The following WASF1 variants were observed in gnomAD, a reference collection of about 807,000 sequenced individuals.
The protein encoded by WASF1 is actin-binding protein WASF1.
A neutral mutation model predicts 50.5 loss-of-function variants in WASF1; 7 were observed. The ratio of observed to expected loss-of-function variants is 0.14; its 90% CI spans 0.08 to 0.26. The LOEUF (loss-of-function observed/expected upper bound fraction) is 0.26, where lower values mean the gene tolerates loss of function less well. Among genes scored for constraint, WASF1 ranks in the 10% least tolerant of loss-of-function variants. The pLI, the probability that WASF1 is intolerant of heterozygous loss-of-function variation, is 1.00. For synonymous variants in WASF1, 205 were observed against 244.0 expected (o/e 0.84, Z 1.49); for missense variants, 470 against 694.7 (o/e 0.68, Z 3.64).
At chr6:110,141,106 A>C (rs2114552139) in intron 3 of WASF1, among the ~76,000 whole-genome samples, 1 of 152,276 alleles carries the variant, frequency 6.6e-6, no homozygotes, top group South Asian at 2.1e-4. Context: ...AAACCACAGA[A>C]AGCAAAACCA....
chr6:110,113,531 T>C lies in WASF1; in HGVS notation c.134-71A>G, dbSNP rs1442069882. 34 of 1,358,104 alleles carry C rather than the reference T, an allele frequency of 2.5e-5. No individual in the cohort carries two copies. The South Asian group carries it at 3.9e-4, about 15-fold the overall frequency. 84.1% of individuals were successfully genotyped at this position (1,358,104 alleles called of 1,614,324 possible). On this transcript the variant is annotated intron_variant, in intron 4 of 10. Transcript: ENST00000392589. ...ACTGAGTTTTTATCTTTGCAAGCAG[T>C]AGAAATCTAGCATGATATTTGCCCT...
chr6:110,110,925 T>C (rs1240499976), intron 5 of WASF1, among the ~76,000 whole-genome samples: 1 of 152,102 alleles, frequency 6.6e-6, no homozygotes, highest in Non-Finnish European at 1.5e-5. Context: ...GTTCAGCTTT[T>C]AGATTCTGAA....
intron 5 of WASF1, among the ~76,000 whole-genome samples, chr6:110,111,960 A>G (rs984332831): frequency 1.3e-5 from 2 of 151,860 alleles, no homozygotes; most frequent in Admixed American, 6.6e-5. Context: ...ATCTTAATAA[A>G]GCTATTTTTT....
intron 5 of WASF1, among the ~76,000 whole-genome samples, chr6:110,110,443 T>C (rs1773506094): frequency 6.6e-6 from 1 of 152,210 alleles, no homozygotes; most frequent in Non-Finnish European, 1.5e-5. Context: ...AATCAATAAG[T>C]ATGTAATTAA....
At chr6:110,130,949 A>G (rs996624171) in intron 3 of WASF1, among the ~76,000 whole-genome samples, 4 of 152,176 alleles carry the variant, frequency 2.6e-5, no homozygotes, top group Non-Finnish European at 5.9e-5. Context: ...ATTGAATTTA[A>G]GCACCTTTTC....
chr6:110,140,132 A>C (rs1206539906), intron 3 of WASF1, among the ~76,000 whole-genome samples: 1 of 152,190 alleles, frequency 6.6e-6, no homozygotes, highest in East Asian at 1.9e-4. Context: ...CAGGGAGCTG[A>C]GACAGGCTGA....
rs1055863645 is a variant in WASF1, at chr6:110,139,375, A to T, written c.-28-11746T>A. On this transcript the variant is annotated intron_variant, in intron 3 of 10. Transcript: ENST00000392589. Reference sequence around the variant, plus strand: ...CAACTTGGTAGAGCGCAGGGCTCCCACCTGTTCCCAGCCCTGACCGCTCCT... The same window carrying T: ...CAACTTGGTAGAGCGCAGGGCTCCCTCCTGTTCCCAGCCCTGACCGCTCCT... 2.0e-5 allele frequency among the ~76,000 whole-genome samples: 3 copies of T among 152,230 alleles called. No homozygotes were observed. The South Asian group carries it at 6.2e-4, about 32-fold the overall frequency.
chr6:110,148,320 G>A (rs1584001503), intron 3 of WASF1, among the ~76,000 whole-genome samples: 1 of 151,858 alleles, frequency 6.6e-6, no homozygotes, highest in Admixed American at 6.6e-5. Context: ...AAAGGGGTGA[G>A]CAAAACCAAA....
At chr6:110,123,474 T>C (rs1774230494) in intron 4 of WASF1, among the ~76,000 whole-genome samples, 1 of 152,214 alleles carries the variant, frequency 6.6e-6, no homozygotes, top group Non-Finnish European at 1.5e-5. Context: ...ACCAGACATT[T>C]AAGCAAATAT....
At chr6:110,130,926 G>A (rs75502462) in intron 3 of WASF1, among the ~76,000 whole-genome samples, 13,036 of 151,720 alleles carry the variant, frequency 0.086, 864 homozygotes, top group African/African-American at 0.19. Context: ...GTTTTAATTT[G>A]TGTTTCCCAA....
At position 110,101,900 on chromosome 6, in the gene WASF1, C is replaced by A. The variant is rs1255934163; in HGVS notation, c.1210G>T (p.Ala404Ser). The stretch of plus-strand genomic sequence containing the variant: ...ACTGGTACAGTCTCACATACTGGGG[C>A]AGCTCTAGCTACTGGTGGAGAGGGC... ...VQPSPPVARA[A>S]PVCETVPVHP... The change falls in exon 10 of 11, where the codon GCC becomes TCC. Residue 404 changes from alanine (A) to serine (S), a missense_variant. Physicochemically the swap from Ala to Ser is moderately conservative, Grantham distance 99. Coordinates refer to ENST00000392589, the MANE Select transcript of WASF1 (RefSeq NM_003931.3). 1 of 1,612,774 alleles carries A rather than the reference C, an allele frequency of 6.2e-7. No individual in the cohort carries two copies. Among genetic ancestry groups the A allele is most frequent in the Non-Finnish European group, 8.5e-7 (1 of 1,179,458 alleles).
intron 5 of WASF1, among the ~76,000 whole-genome samples, 195 bp from the exon 6 acceptor site, chr6:110,108,876 CCAAT>C (rs1361381981): frequency 6.6e-6 from 1 of 152,076 alleles, no homozygotes; most frequent in African/African-American, 2.4e-5. Flanking sequence ...CCTAATTTTC[CCAAT>C]CAGATAGGTT....
intron 5 of WASF1, among the ~76,000 whole-genome samples, chr6:110,110,088 C>T (rs1773492955): frequency 6.6e-6 from 1 of 152,100 alleles, no homozygotes; most frequent in South Asian, 2.1e-4. Flanking sequence ...CCCACTATCA[C>T]TAAAAAGTGG....
rs1584036099 is a variant in WASF1 at position 110,170,333 on chromosome 6, C to T, written c.-127+8265G>A. On this transcript the variant is annotated intron_variant, in intron 2 of 10. Transcript: ENST00000392589. ...CGCCTCCCAGGCTCAAGTGATCCTA[C>T]TACCTCAGCCTCCCAAGTAGCTGGG... is the stretch of plus-strand genomic sequence containing the variant. Among the ~76,000 whole-genome samples, 4 of 152,210 alleles carry T rather than the reference C, an allele frequency of 2.6e-5. 1 individual carries two copies. In the South Asian group the frequency reaches 8.3e-4, roughly 32 times the overall value.
At chr6:110,136,552 CTATGT>C (rs940380322) in intron 3 of WASF1, among the ~76,000 whole-genome samples, 4 of 152,170 alleles carry the variant, frequency 2.6e-5, no homozygotes, top group African/African-American at 7.2e-5. Context: ...TATTTCAAGA[CTATGT>C]TATTAGGTAT....
At chr6:110,104,334 T>C (rs1470597217) in intron 8 of WASF1, among the ~76,000 whole-genome samples, 1 of 152,238 alleles carries the variant, frequency 6.6e-6, no homozygotes, top group Non-Finnish European at 1.5e-5. Context: ...ATGTCTAAAG[T>C]TTATTAATTT....
At chr6:110,124,266 CTCTCTCTCTATATATATATATA>C (rs1774308033) in intron 4 of WASF1, among the ~76,000 whole-genome samples, 1 of 62,640 alleles carries the variant, frequency 1.6e-5, no homozygotes, top group African/African-American at 8.5e-5. Context: ...CTCTCTCTCT[CTCTCTCTCTATATATATATATA>C]TATATATATA....
intron 4 of WASF1, among the ~76,000 whole-genome samples, chr6:110,124,258 CTCTCTCTCTCTCTCTCTATA>C (rs1462417161): frequency 1.0e-4 from 6 of 57,486 alleles, no homozygotes; most frequent in African/African-American, 5.2e-4. Flanking sequence ...CTCTCTCTCT[CTCTCTCTCTCTCTCTCTATA>C]TATATATATA....
chr6:110,163,658 C>T (rs1484407227), intron 2 of WASF1, among the ~76,000 whole-genome samples: 1 of 151,494 alleles, frequency 6.6e-6, no homozygotes. Flanking sequence ...CCAGATCTTC[C>T]CAACTTGATC....
Sources: allele counts gnomAD v4.1 joint callset (sites outside exome capture counted in the v4.1 genomes callset), GRCh38; gene constraint gnomAD v4.1.1; transcripts MANE v1.5; gene names NCBI Gene and HGNC (gene_info 2026-07-23, HGNC 2026-07-21).